The following SKAP2 variants were observed in gnomAD, a reference collection of about 807,000 sequenced individuals.
SKAP2 encodes the protein src kinase-associated phosphoprotein 2.
A neutral mutation model predicts 54.9 loss-of-function variants in SKAP2; 28 were observed. The ratio of observed to expected loss-of-function variants is 0.51; its 90% CI spans 0.38 to 0.70. The LOEUF is 0.70. Among genes scored for constraint, SKAP2 ranks in the 30% least tolerant of loss-of-function variants. The pLI, the probability that SKAP2 is intolerant of heterozygous loss-of-function variation, is 0.00. For missense variants in SKAP2, 356 were observed against 424.1 expected (o/e 0.84, Z 1.41); for synonymous variants, 137 against 134.3 (o/e 1.02, Z -0.14).
chr7:26,794,165 T>C (rs1783722867), intron 4 of SKAP2, among the ~76,000 whole-genome samples: 5 of 152,202 alleles, frequency 3.3e-5, no homozygotes, highest in Admixed American at 3.3e-4. Flanking sequence ...TTTTTAAATA[T>C]GAGATGTTAG....
intron 4 of SKAP2, among the ~76,000 whole-genome samples, chr7:26,821,282 G>GA (rs1263020030): frequency 6.6e-6 from 1 of 151,586 alleles, no homozygotes; most frequent in African/African-American, 2.4e-5. Context: ...AAAGAGGGAG[G>GA]AAAAAAAGCC....
chr7:26,717,552 G>A (rs547771174), intron 9 of SKAP2, among the ~76,000 whole-genome samples: 3 of 99,968 alleles, frequency 3.0e-5, no homozygotes, highest in Non-Finnish European at 6.3e-5. Context: ...AGGGCCAGAT[G>A]CTGTGGCTCA....
At chr7:26,728,886 C>T (rs1437589239) in intron 6 of SKAP2, among the ~76,000 whole-genome samples, 2 of 152,108 alleles carry the variant, frequency 1.3e-5, no homozygotes, top group Non-Finnish European at 2.9e-5. Context: ...TCGCTCCACT[C>T]ACCAGGTCCA....
chr7:26,775,871 T>C (rs1481402975), intron 4 of SKAP2, among the ~76,000 whole-genome samples: 1 of 152,192 alleles, frequency 6.6e-6, no homozygotes, highest in Non-Finnish European at 1.5e-5. Context: ...AATAGTTTGT[T>C]CTTTTTTATT....
At chr7:26,662,258 T>C (rs2128081540), downstream of SKAP2, among the ~76,000 whole-genome samples, 1 of 152,250 alleles carries the variant, frequency 6.6e-6, no homozygotes, top group Non-Finnish European at 1.5e-5. Context: ...GCTACAAGCA[T>C]TTTGGAATTT....
chr7:26,759,578 T>C (rs1782879267), intron 4 of SKAP2, among the ~76,000 whole-genome samples: 1 of 152,106 alleles, frequency 6.6e-6, no homozygotes, highest in East Asian at 1.9e-4. Context: ...CAGGATAAGC[T>C]CTACAAACCC....
chr7:26,750,277 C>A (rs1782653454), intron 4 of SKAP2, among the ~76,000 whole-genome samples: 1 of 151,072 alleles, frequency 6.6e-6, no homozygotes, highest in African/African-American at 2.4e-5. Context: ...ATACCATATA[C>A]CTAATATACC....
intron 10 of SKAP2, among the ~76,000 whole-genome samples, chr7:26,686,866 T>C (rs769112420): frequency 6.6e-6 from 1 of 152,028 alleles, no homozygotes; most frequent in Non-Finnish European, 1.5e-5. Flanking sequence ...GGTAAAAGGA[T>C]CTAAATGGCT....
chr7:26,837,657 G>A (rs748080687), intron 4 of SKAP2, among the ~76,000 whole-genome samples: 15 of 152,174 alleles, frequency 9.9e-5, no homozygotes, highest in Non-Finnish European at 1.8e-4. Flanking sequence ...AATTCAACAT[G>A]TGATTTGGGC....
intron 4 of SKAP2, among the ~76,000 whole-genome samples, chr7:26,799,966 A>G (rs1783876106): frequency 6.6e-6 from 1 of 151,300 alleles, no homozygotes; most frequent in African/African-American, 2.4e-5. Context: ...AAAATACAAA[A>G]AAAAAAAATT....
At chr7:26,785,095 T>A (rs1025160732) in intron 4 of SKAP2, among the ~76,000 whole-genome samples, 2 of 152,144 alleles carry the variant, frequency 1.3e-5, no homozygotes, top group African/African-American at 2.4e-5. Context: ...GTGCAAATAG[T>A]TTTTACCTTC....
At chr7:26,803,759 C>T (rs1783963972) in intron 4 of SKAP2, among the ~76,000 whole-genome samples, 1 of 152,228 alleles carries the variant, frequency 6.6e-6, no homozygotes, top group East Asian at 1.9e-4. Flanking sequence ...AAATGTGGTA[C>T]ATATACACAA....
chr7:26,711,084 G>C (rs1386413531), intron 9 of SKAP2, among the ~76,000 whole-genome samples: 1 of 152,136 alleles, frequency 6.6e-6, no homozygotes, highest in Non-Finnish European at 1.5e-5. Flanking sequence ...ACCTGAGCAG[G>C]TTTAACGAAA....
chr7:26,855,374 T>C (rs956254313), intron 1 of SKAP2, among the ~76,000 whole-genome samples: 9 of 152,060 alleles, frequency 5.9e-5, no homozygotes. Flanking sequence ...TTCAGGTATA[T>C]CCAACATGTA....
chr7:26,833,799 A>T (rs1784650098), intron 4 of SKAP2, among the ~76,000 whole-genome samples: 1 of 152,144 alleles, frequency 6.6e-6, no homozygotes. Context: ...CGAGACAGAA[A>T]ATTAACAAGG....
At chr7:26,715,961 C>T (rs1479445466) in intron 9 of SKAP2, among the ~76,000 whole-genome samples, 2 of 152,100 alleles carry the variant, frequency 1.3e-5, no homozygotes, top group Non-Finnish European at 1.5e-5. Context: ...TTTTCAACTA[C>T]CTTTTCAGAG....
chr7:26,792,490 T>C (rs1181765885), intron 4 of SKAP2, among the ~76,000 whole-genome samples: 1 of 152,188 alleles, frequency 6.6e-6, no homozygotes, highest in Non-Finnish European at 1.5e-5. Context: ...ACATTAATAA[T>C]TTAGTCTAAT....
At chr7:26,785,144 C>G (rs1783514675) in intron 4 of SKAP2, among the ~76,000 whole-genome samples, 1 of 151,944 alleles carries the variant, frequency 6.6e-6, no homozygotes, top group African/African-American at 2.4e-5. Flanking sequence ...TACCCAAGTT[C>G]TGGAAAAAAG....
At chr7:26,863,574 A>C (rs1202653270) in intron 1 of SKAP2, among the ~76,000 whole-genome samples, 1 of 152,222 alleles carries the variant, frequency 6.6e-6, no homozygotes, top group Non-Finnish European at 1.5e-5. Context: ...CAGTAAATTA[A>C]TGAACTAGTA....
Sources: allele counts gnomAD v4.1 joint callset (sites outside exome capture counted in the v4.1 genomes callset), GRCh38; gene constraint gnomAD v4.1.1; transcripts MANE v1.5; gene names NCBI Gene and HGNC (gene_info 2026-07-23, HGNC 2026-07-21).